Variants in PXDNL observed in about 807,000 individuals in gnomAD.
The protein encoded by PXDNL is peroxidasin like, also known as probable oxidoreductase PXDNL.
A neutral mutation model predicts 150.8 loss-of-function variants in PXDNL; 145 were observed. That is an observed-to-expected ratio of 0.96 (90% CI 0.84 to 1.10). PXDNL has a LOEUF of 1.10. PXDNL is among the 50% of genes least tolerant of loss of function. The pLI is 0.00. For missense variants in PXDNL, 2,087 were observed against 1,873.9 expected (o/e 1.11, Z -2.10); for synonymous variants, 757 against 725.7 (o/e 1.04, Z -0.69).
intron 2 of PXDNL, among the ~76,000 whole-genome samples, chr8:51,603,970 T>C (rs535526517): frequency 3.5e-4 from 53 of 152,322 alleles, no homozygotes; most frequent in South Asian, 1.2e-3. Flanking sequence ...TGGCTTTTTT[T>C]TGGATCTATA....
intron 5 of PXDNL, among the ~76,000 whole-genome samples, chr8:51,496,485 A>T (rs1811054683): frequency 6.6e-6 from 1 of 152,230 alleles, no homozygotes; most frequent in Non-Finnish European, 1.5e-5. Flanking sequence ...AGAGGAAGTC[A>T]AATTGTCCCT....
At chr8:51,749,111 T>G (rs2037015815) in intron 1 of PXDNL, among the ~76,000 whole-genome samples, 2 of 152,196 alleles carry the variant, frequency 1.3e-5, no homozygotes, top group Admixed American at 6.5e-5. Context: ...TCAGTATTAA[T>G]TACATGCTCT....
intron 2 of PXDNL, among the ~76,000 whole-genome samples, chr8:51,599,325 A>C (rs1354597823): frequency 6.6e-6 from 1 of 152,030 alleles, no homozygotes; most frequent in East Asian, 1.9e-4. Context: ...GTGTGATATC[A>C]GATTGTTAAT....
intron 18 of PXDNL, among the ~76,000 whole-genome samples, chr8:51,372,552 T>C (rs80043413): frequency 0.013 from 2,025 of 152,212 alleles, 26 homozygotes; most frequent in Non-Finnish European, 0.021. Flanking sequence ...GCCTGCCTAA[T>C]TTTTATATCG....
chr8:51,674,361 G>A (rs1008129974), intron 1 of PXDNL, among the ~76,000 whole-genome samples: 2 of 152,162 alleles, frequency 1.3e-5, no homozygotes, highest in African/African-American at 4.8e-5. Flanking sequence ...TAACTGAAAC[G>A]TAAAGGAAAT....
intron 2 of PXDNL, among the ~76,000 whole-genome samples, chr8:51,612,207 A>T (rs1302272692): frequency 1.3e-5 from 2 of 151,664 alleles, no homozygotes; most frequent in East Asian, 3.9e-4. Context: ...CCCGGCCTCC[A>T]CTCCTCCTCT....
At chr8:51,520,234 A>G (rs991761999) in intron 4 of PXDNL, among the ~76,000 whole-genome samples, 1 of 152,204 alleles carries the variant, frequency 6.6e-6, no homozygotes, top group Non-Finnish European at 1.5e-5. Flanking sequence ...ACACGGCCAG[A>G]GGGCAATAGT....
intron 21 of PXDNL, among the ~76,000 whole-genome samples, chr8:51,330,758 A>T (rs1805654225): frequency 1.3e-5 from 2 of 152,230 alleles, no homozygotes; most frequent in African/African-American, 4.8e-5. Flanking sequence ...TCTCACATGC[A>T]AAATAATCAA....
chr8:51,338,619 T>C (rs1805901919), intron 21 of PXDNL, among the ~76,000 whole-genome samples: 1 of 152,252 alleles, frequency 6.6e-6, no homozygotes, highest in Non-Finnish European at 1.5e-5. Context: ...AAGAAAAGCA[T>C]ATACCTCACA....
chr8:51,421,998 T>C (rs1000469244), intron 14 of PXDNL, among the ~76,000 whole-genome samples: 1 of 152,122 alleles, frequency 6.6e-6, no homozygotes, highest in Non-Finnish European at 1.5e-5. Context: ...CGAGCATTAC[T>C]GCCTGAGCTC....
intron 12 of PXDNL, among the ~76,000 whole-genome samples, chr8:51,428,039 G>A (rs1450305619): frequency 6.6e-6 from 1 of 152,152 alleles, no homozygotes; most frequent in African/African-American, 2.4e-5. Context: ...CAAGACAAAT[G>A]TATTAATATA....
intron 5 of PXDNL, among the ~76,000 whole-genome samples, chr8:51,498,385 A>G (rs550963854): frequency 9.2e-5 from 14 of 152,234 alleles, no homozygotes; most frequent in Admixed American, 7.2e-4. Flanking sequence ...TACATATGTA[A>G]CTAACCTGCA....
intron 19 of PXDNL, among the ~76,000 whole-genome samples, chr8:51,363,514 T>C (rs544796997): frequency 6.6e-6 from 1 of 152,128 alleles, no homozygotes; most frequent in African/African-American, 2.4e-5. Context: ...GGTACATGAC[T>C]GGGGGCTGCA....
intron 3 of PXDNL, among the ~76,000 whole-genome samples, chr8:51,577,165 C>T (rs756063465): frequency 3.3e-5 from 5 of 151,576 alleles, no homozygotes; most frequent in South Asian, 2.1e-4. Flanking sequence ...AGTATTAATG[C>T]GATACCAAAA....
At position 51,577,975 on chromosome 8, in the gene PXDNL, GAA is replaced by G. The variant is rs1563471046; in HGVS notation, c.308+14650_308+14651del. 4.4e-3 allele frequency among the ~76,000 whole-genome samples: 403 copies of G among 92,074 alleles called. 2 individuals are homozygous for G. Among genetic ancestry groups the G allele is most frequent in the Admixed American group, 0.011 (80 of 7,442 alleles). 60.4% of individuals were successfully genotyped at this position (92,074 alleles called of 152,430 possible). A position where few individuals can be genotyped will look rare whatever the true frequency, so the allele number is the denominator to read the frequency against. ...AGAAAGAAAGAAAGAAAGAAAGAAA[GAA>G]AGAAAGAAAGAAAGAAAGAAAGAGG... is the stretch of plus-strand genomic sequence containing the variant. On this transcript the variant is annotated intron_variant, in intron 3 of 22. Coordinates refer to ENST00000356297, the MANE Select transcript of PXDNL (RefSeq NM_144651.5).
rs1315175994 is a variant in PXDNL, at chr8:51,591,704, C to T, written c.308+923G>A. ...CGCCATCTCGGCTCACTGCAAGCTC[C>T]GCCTCCTGGGTTCACGCCATTCTCC... On this transcript the variant is annotated intron_variant, in intron 3 of 22. Coordinates refer to ENST00000356297, the MANE Select transcript of PXDNL (RefSeq NM_144651.5). Among the ~76,000 whole-genome samples the T allele has an allele frequency of 6.6e-5, 10 of 152,046 alleles. No homozygotes were observed. The South Asian group carries it at 1.5e-3, about 22-fold the overall frequency.
intron 9 of PXDNL, among the ~76,000 whole-genome samples, chr8:51,455,944 A>T (rs2129988536): frequency 6.6e-6 from 1 of 152,316 alleles, no homozygotes; most frequent in East Asian, 1.9e-4. Flanking sequence ...GAATTATCAT[A>T]TTCAATCAAT....
intron 1 of PXDNL, among the ~76,000 whole-genome samples, chr8:51,788,394 G>A (rs1204551917): frequency 2.0e-5 from 3 of 152,208 alleles, no homozygotes; most frequent in Non-Finnish European, 2.9e-5. Context: ...TGGTGGGGGT[G>A]CAAAAGCCAC....
At chr8:51,664,630 GA>G (rs1459701388) in intron 1 of PXDNL, among the ~76,000 whole-genome samples, 1 of 152,160 alleles carries the variant, frequency 6.6e-6, no homozygotes, top group East Asian at 1.9e-4. Flanking sequence ...TATTTACCTT[GA>G]TAGTCCTTCC....
Sources: allele counts gnomAD v4.1 joint callset (sites outside exome capture counted in the v4.1 genomes callset), GRCh38; gene constraint gnomAD v4.1.1; transcripts MANE v1.5; gene names NCBI Gene and HGNC (gene_info 2026-07-23, HGNC 2026-07-21).